Variants in SLC1A3 observed in about 807,000 individuals in gnomAD.
SLC1A3 encodes solute carrier family 1 member 3.
Under a neutral mutation model 48.1 loss-of-function variants are expected in SLC1A3, and 21 were observed. The observed-to-expected ratio is 0.44, with a 90% CI of 0.31 to 0.63. SLC1A3 has a LOEUF of 0.63. Ranked by LOEUF, SLC1A3 falls within the 20% of genes least tolerant of loss-of-function variation. The pLI is 0.08. For missense variants in SLC1A3, 546 were observed against 689.0 expected, an observed-to-expected ratio of 0.79 and a Z score of 2.32; for synonymous variants, 239 against 251.4, an observed-to-expected ratio of 0.95 and a Z score of 0.47.
chr5:36,620,882 T>G (rs1157039297), intron 2 of SLC1A3, among the ~76,000 whole-genome samples: 1 of 151,128 alleles, frequency 6.6e-6, no homozygotes, highest in East Asian at 1.9e-4. Flanking sequence ...AAGGTAGACC[T>G]CATTCAGAAA....
intron 6 of SLC1A3, 99 bp downstream of exon 6, chr5:36,677,283 A>T: frequency 1.0e-6 from 1 of 999,690 alleles, no homozygotes; most frequent in South Asian, 1.4e-5. Context: ...AGGATGGCCA[A>T]TTGCAGTTAT....
chr5:36,666,283 A>G (rs958255381), intron 3 of SLC1A3: 15 of 152,182 alleles, frequency 9.9e-5, no homozygotes, highest in African/African-American at 3.1e-4. Context: ...ATTAGCACTC[A>G]TCCTTGCTTT....
intron 2 of SLC1A3, among the ~76,000 whole-genome samples, chr5:36,623,396 C>T (rs949791400): frequency 6.6e-6 from 1 of 152,142 alleles, no homozygotes; most frequent in Non-Finnish European, 1.5e-5. Context: ...ATTTTCATTG[C>T]TATTTTTGCA....
chr5:36,682,546 TA>T (rs758734716), intron 8 of SLC1A3, among the ~76,000 whole-genome samples: 64 of 152,098 alleles, frequency 4.2e-4, no homozygotes, highest in Non-Finnish European at 7.4e-4. Context: ...GAGTTAAAAA[TA>T]ACAGTAACAG....
chr5:36,614,214 G>T (rs1442634634), intron 2 of SLC1A3, among the ~76,000 whole-genome samples: 1 of 152,200 alleles, frequency 6.6e-6, no homozygotes, highest in Non-Finnish European at 1.5e-5. Context: ...TGCTTGCCAG[G>T]TAAAGTGTCC....
At chr5:36,661,696 GC>G (rs1323049032) in intron 3 of SLC1A3, among the ~76,000 whole-genome samples, 4 of 152,228 alleles carry the variant, frequency 2.6e-5, no homozygotes, top group African/African-American at 7.2e-5. Context: ...CTTTGGCAAA[GC>G]AGGGCCAGAA....
chr5:36,620,732 T>C (rs1261026886), intron 2 of SLC1A3, among the ~76,000 whole-genome samples: 1 of 152,176 alleles, frequency 6.6e-6, no homozygotes, highest in Non-Finnish European at 1.5e-5. Context: ...CCAAAAAAAG[T>C]TCTAACCTTG....
chr5:36,636,463 TTTTCTTTCTTTCTTTC>T (rs200426737), intron 3 of SLC1A3: 1 of 68,598 alleles, frequency 1.5e-5, no homozygotes, highest in Non-Finnish European at 2.8e-5. Context: ...TCTTTCTTTC[TTTTCTTTCTTTCTTTC>T]TTTCTTTCTT....
chr5:36,654,752 T>C (rs1288799260), intron 3 of SLC1A3, among the ~76,000 whole-genome samples: 4 of 152,168 alleles, frequency 2.6e-5, no homozygotes, highest in Admixed American at 6.5e-5. Flanking sequence ...TGTTAATTCA[T>C]TCAGTATTGA....
At chr5:36,615,886 T>C (rs911909192) in intron 2 of SLC1A3, among the ~76,000 whole-genome samples, 2 of 152,222 alleles carry the variant, frequency 1.3e-5, no homozygotes, top group Non-Finnish European at 2.9e-5. Flanking sequence ...TTAGCGACTA[T>C]ACTCACTGAG....
intron 3 of SLC1A3, among the ~76,000 whole-genome samples, chr5:36,653,743 T>G (rs903639488): frequency 6.6e-6 from 1 of 152,250 alleles, no homozygotes; most frequent in South Asian, 2.1e-4. Flanking sequence ...ACACTAGGTC[T>G]TTCTAGAGCT....
chr5:36,663,565 A>G (rs964147328), intron 3 of SLC1A3, among the ~76,000 whole-genome samples: 1 of 152,004 alleles, frequency 6.6e-6, no homozygotes, highest in African/African-American at 2.4e-5. Flanking sequence ...CTTAAGGAAC[A>G]CTAGAGCTTG....
chr5:36,639,678 C>T (rs960247701), intron 3 of SLC1A3, among the ~76,000 whole-genome samples: 2 of 152,224 alleles, frequency 1.3e-5, no homozygotes, highest in Admixed American at 6.5e-5. Flanking sequence ...ATGCTGTTTT[C>T]TCCTACTCCT....
chr5:36,599,482 C>T (rs1356663827), intron 1 of SLC1A3, among the ~76,000 whole-genome samples: 3 of 148,446 alleles, frequency 2.0e-5, no homozygotes, highest in Non-Finnish European at 3.0e-5. Context: ...AGACAGAAAC[C>T]CCTACACATC....
chr5:36,685,439 G>C (rs1229602569), intron 9 of SLC1A3, among the ~76,000 whole-genome samples: 1 of 152,106 alleles, frequency 6.6e-6, no homozygotes, highest in African/African-American at 2.4e-5. Flanking sequence ...ACCACGCCTG[G>C]CTAATTTTTG....
intron 2 of SLC1A3, among the ~76,000 whole-genome samples, chr5:36,611,270 T>C: frequency 8.1e-6 from 1 of 123,716 alleles, no homozygotes; most frequent in South Asian, 3.0e-4. Flanking sequence ...TAGGTTTTTA[T>C]TGCTTTTAGT....
chr5:36,617,573 G>A lies in SLC1A3; in HGVS notation c.181+8969G>A, dbSNP rs143391280. On this transcript the variant is annotated intron_variant, in intron 2 of 9. Transcript: ENST00000265113. ...CCGTTTATCTTGTTATTCATTTCTC[G>A]TATGCCTTTGGAGAAATGTTATGAC... Among the ~76,000 whole-genome samples, 639 of 151,834 alleles carry A rather than the reference G, an allele frequency of 4.2e-3. 5 individuals are homozygous for A. Among genetic ancestry groups the A allele is most frequent in the African/African-American group, 0.015 (610 of 41,416 alleles).
chr5:36,660,287 A>G (rs1033112245), intron 3 of SLC1A3, among the ~76,000 whole-genome samples: 1 of 152,190 alleles, frequency 6.6e-6, no homozygotes, highest in Non-Finnish European at 1.5e-5. Flanking sequence ...GACCCCTGAA[A>G]TCTATTCAGG....
chr5:36,670,068 A>G (rs1741924027), intron 3 of SLC1A3: 1 of 152,208 alleles, frequency 6.6e-6, no homozygotes, highest in African/African-American at 2.4e-5. Flanking sequence ...CTAATAAAAC[A>G]GAAGAGCTCA....
Sources: allele counts gnomAD v4.1 joint callset (sites outside exome capture counted in the v4.1 genomes callset), GRCh38; gene constraint gnomAD v4.1.1; transcripts MANE v1.5; gene names NCBI Gene and HGNC (gene_info 2026-07-23, HGNC 2026-07-21).